Variants in SNX4 observed in about 807,000 individuals in gnomAD.
The protein encoded by SNX4 is sorting nexin-4.
SNX4 carries 49 observed loss-of-function variants against 70.8 expected under a neutral mutation model. That is an observed-to-expected ratio of 0.69 (90% CI 0.55 to 0.88). The LOEUF is 0.88. Ranked by LOEUF, SNX4 falls within the 40% of genes least tolerant of loss-of-function variation. SNX4 has a pLI of 0.00. For missense variants in SNX4, 528 were observed against 544.8 expected (o/e 0.97, Z 0.31); for synonymous variants, 206 against 183.8 (o/e 1.12, Z -0.98).
intron 5 of SNX4, among the ~76,000 whole-genome samples, chr3:125,493,175 C>T (rs528658535): frequency 3.3e-5 from 5 of 152,000 alleles, no homozygotes; most frequent in Admixed American, 6.6e-5. Context: ...TCTCAAACTC[C>T]TGGGCTAAAG....
At chr3:125,481,824 T>C (rs1285068441) in intron 6 of SNX4, among the ~76,000 whole-genome samples, 1 of 152,202 alleles carries the variant, frequency 6.6e-6, no homozygotes, top group Non-Finnish European at 1.5e-5. Context: ...AATCTGAATC[T>C]GAATTTTATA....
intron 6 of SNX4, among the ~76,000 whole-genome samples, chr3:125,486,910 T>A (rs141630774): frequency 3.3e-5 from 5 of 152,110 alleles, no homozygotes; most frequent in African/African-American, 1.2e-4. Context: ...TGTGTGTGTA[T>A]ACATATATAT....
chr3:125,494,562 TTC>T (rs1220181198), intron 5 of SNX4, among the ~76,000 whole-genome samples: 2 of 152,258 alleles, frequency 1.3e-5, no homozygotes, highest in Non-Finnish European at 2.9e-5. Flanking sequence ...AAAAGTTTTC[TTC>T]TTTTTTACCG....
intron 2 of SNX4, 69 bp from the exon 3 acceptor site, chr3:125,498,263 C>T: frequency 7.5e-7 from 1 of 1,328,086 alleles, no homozygotes; most frequent in East Asian, 2.4e-5. Flanking sequence ...ATACAATCAC[C>T]TTTAAAATTA....
intron 11 of SNX4, among the ~76,000 whole-genome samples, chr3:125,454,366 G>A (rs1050854482): frequency 2.6e-5 from 4 of 152,176 alleles, no homozygotes; most frequent in Non-Finnish European, 5.9e-5. Context: ...ATTGTGAACT[G>A]CGCATGTGAG....
intron 11 of SNX4, among the ~76,000 whole-genome samples, chr3:125,455,528 CT>C (rs1288202899): frequency 3.3e-5 from 5 of 152,206 alleles, no homozygotes; most frequent in African/African-American, 4.8e-5. Context: ...GAAGAAAACA[CT>C]TTTCCCTTGA....
intron 1 of SNX4, among the ~76,000 whole-genome samples, chr3:125,516,300 G>A (rs1028851800): frequency 3.3e-5 from 5 of 151,960 alleles, no homozygotes; most frequent in African/African-American, 4.8e-5. Context: ...CCTTCTGCTC[G>A]GGCTAATTAC....
At chr3:125,485,416 G>GC (rs967942622) in intron 6 of SNX4, among the ~76,000 whole-genome samples, 9 of 151,972 alleles carry the variant, frequency 5.9e-5, no homozygotes, top group Admixed American at 5.9e-4. Flanking sequence ...TCGTGCCTCA[G>GC]CCCCCCAAGT....
intron 2 of SNX4, among the ~76,000 whole-genome samples, chr3:125,503,233 G>T (rs1323600622): frequency 6.6e-6 from 1 of 152,086 alleles, no homozygotes; most frequent in Admixed American, 6.6e-5. Context: ...AATTTTACCG[G>T]CTATCAACAA....
chr3:125,455,330 A>T (rs4679171), intron 11 of SNX4, among the ~76,000 whole-genome samples: 10,251 of 152,208 alleles, frequency 0.067, 470 homozygotes, highest in Non-Finnish European at 0.1. Flanking sequence ...TTTATGTTAT[A>T]AAAAAAGTCG....
chr3:125,486,897 ATATG>A (rs1934545463), intron 6 of SNX4, among the ~76,000 whole-genome samples: 2 of 152,134 alleles, frequency 1.3e-5, no homozygotes, highest in Non-Finnish European at 2.9e-5. Context: ...AAATATATAT[ATATG>A]TGTGTGTATA....
At chr3:125,488,152 TAA>T (rs34666615) in intron 6 of SNX4, among the ~76,000 whole-genome samples, 13 of 121,418 alleles carry the variant, frequency 1.1e-4, no homozygotes, top group Non-Finnish European at 1.7e-4. Context: ...GTAACTGCTG[TAA>T]AAAAAAAAAT....
At chr3:125,480,357 G>A (rs764779132) in intron 6 of SNX4, 38 bp from the exon 7 acceptor site, 60 of 1,346,124 alleles carry the variant, frequency 4.5e-5, no homozygotes, top group Non-Finnish European at 5.9e-5. Context: ...TTTTTCAAAT[G>A]AAAACAAGCA....
intron 5 of SNX4, among the ~76,000 whole-genome samples, chr3:125,497,066 T>C (rs1469248139): frequency 1.4e-5 from 2 of 146,350 alleles, no homozygotes; most frequent in Admixed American, 6.7e-5. Context: ...GCTTCATTAC[T>C]ATAAACACTA....
At chr3:125,494,954 A>G (rs73191124) in intron 5 of SNX4, among the ~76,000 whole-genome samples, 5,877 of 152,056 alleles carry the variant, frequency 0.039, 219 homozygotes, top group East Asian at 0.12. Flanking sequence ...TCAGCTGTCA[A>G]TTGTCACTAC....
At chr3:125,510,633 T>C (rs1044058726) in intron 1 of SNX4, among the ~76,000 whole-genome samples, 8 of 152,192 alleles carry the variant, frequency 5.3e-5, no homozygotes, top group Non-Finnish European at 1.0e-4. Flanking sequence ...ATATATATCT[T>C]AAAGACATTA....
intron 1 of SNX4, chr3:125,516,924 T>C (rs571742242): frequency 1.6e-4 from 24 of 152,304 alleles, no homozygotes; most frequent in African/African-American, 5.5e-4. Flanking sequence ...AGTAAAAAAA[T>C]GGATAAATCA....
chr3:125,479,597 C>A (rs1316484042), intron 7 of SNX4, among the ~76,000 whole-genome samples: 1 of 151,744 alleles, frequency 6.6e-6, no homozygotes, highest in Non-Finnish European at 1.5e-5. Flanking sequence ...AAAGAGGATT[C>A]CAGATTCCAA....
chr3:125,466,257 AT>A (rs1934013851), intron 9 of SNX4, among the ~76,000 whole-genome samples: 2 of 152,184 alleles, frequency 1.3e-5, no homozygotes, highest in African/African-American at 4.8e-5. Context: ...CCATATGCAG[AT>A]TTAAACTGGA....
Sources: allele counts gnomAD v4.1 joint callset (sites outside exome capture counted in the v4.1 genomes callset), GRCh38; gene constraint gnomAD v4.1.1; transcripts MANE v1.5; gene names NCBI Gene and HGNC (gene_info 2026-07-23, HGNC 2026-07-21).